The following ACE variants were observed in gnomAD, a reference collection of about 807,000 sequenced individuals.
ACE encodes the protein angiotensin I converting enzyme.
ACE carries 122 observed loss-of-function variants against 162.3 expected under a neutral mutation model. The ratio of observed to expected loss-of-function variants is 0.75; its 90% CI spans 0.65 to 0.87. The LOEUF (loss-of-function observed/expected upper bound fraction) is 0.87, where lower values mean the gene tolerates loss of function less well. ACE is among the 40% of genes least tolerant of loss of function. ACE has a pLI of 0.00. For synonymous variants in ACE, 796 were observed against 720.6 expected, an observed-to-expected ratio of 1.10 and a Z score of -1.68; for missense variants, 1,799 against 1,735.1, an observed-to-expected ratio of 1.04 and a Z score of -0.65.
chr17:63,491,394 A>G lies in ACE; in HGVS notation c.2912+13A>G, dbSNP rs774717414. The G allele has an allele frequency of 3.7e-6, 6 of 1,613,916 alleles. No individual in the cohort carries two copies. Among genetic ancestry groups the G allele is most frequent in the Non-Finnish European group, 4.2e-6 (5 of 1,180,030 alleles). ...GCAAGGACTTCCGGTACATCCAGCT[A>G]GGGCTCAGGTCTCGTTCCTGAGCCC... On this transcript the variant is annotated intron_variant, in intron 19 of 24. Transcript: ENST00000290866. The surrounding 1 kb of genome is among the most constrained non-coding windows in gnomAD (Gnocchi z 4.4).
At position 63,491,045 on chromosome 17, in the gene ACE, A is replaced by G; in HGVS notation, c.2733A>G (p.Leu911=). ...APSMDTTEAM[L]KQGWTPRRMF... ...CGATGGACACCACAGAGGCTATGCT[A>G]AAGCAGGTCCGCACCAGCCCAGGGG... The change falls in exon 18 of 25, where the codon CTA becomes CTG. Residue 911 remains leucine (L), a synonymous_variant. Coordinates refer to ENST00000290866, the MANE Select transcript of ACE (RefSeq NM_000789.4). This position sits in a 1 kb window ranked among gnomAD's most constrained non-coding sequence, Gnocchi z 4.4. 1 of 1,614,148 alleles carries G rather than the reference A, an allele frequency of 6.2e-7. No homozygotes were observed. Among genetic ancestry groups the G allele is most frequent in the Non-Finnish European group, 8.5e-7 (1 of 1,180,020 alleles).
chr17:63,478,670 A>T (rs1271061051), intron 2 of ACE: 1 of 398,342 alleles, frequency 2.5e-6, no homozygotes, highest in African/African-American at 2.1e-5. Flanking sequence ...CCCAAAAAAA[A>T]GAGAGAGAGA....
chr17:63,484,037 A>G lies in ACE; in HGVS notation c.1709+66A>G, dbSNP rs896464912. 2.6e-6 allele frequency: 4 copies of G among 1,549,498 alleles called. No individual in the cohort carries two copies. Among genetic ancestry groups the G allele is most frequent in the Non-Finnish European group, 2.6e-6 (3 of 1,150,440 alleles). ...AGCGGCTGGCAAAGGGTGTGGCAGG[A>G]GGTGTCTGGCTGCTCTGATGGGGTG... On this transcript the variant is annotated intron_variant, in intron 11 of 24. Transcript: ENST00000290866. This position sits in a 1 kb window ranked among gnomAD's most constrained non-coding sequence, Gnocchi z 4.0.
intron 15 of ACE, among the ~76,000 whole-genome samples, chr17:63,488,244 A>G (rs1476263067): frequency 6.6e-6 from 1 of 151,674 alleles, no homozygotes; most frequent in African/African-American, 2.4e-5. Context: ...CTGTAGTCCT[A>G]GCTGCTAGGG....
intron 10 of ACE, 78 bp from the exon 11 acceptor site, chr17:63,483,771 A>T: frequency 1.2e-6 from 2 of 1,607,884 alleles, no homozygotes; most frequent in Non-Finnish European, 1.7e-6. Flanking sequence ...CCCTGCAGGA[A>T]GCTGGATGGT....
In ACE at chr17:63,497,812, C is replaced by T; in HGVS notation, c.*446C>T. The T allele has an allele frequency of 1.1e-5, 4 of 349,030 alleles. No individual in the cohort carries two copies. Among genetic ancestry groups the T allele is most frequent in the South Asian group, 9.3e-5 (4 of 43,230 alleles). 21.6% of individuals were successfully genotyped at this position (349,030 alleles called of 1,614,324 possible). On this transcript the variant is annotated 3_prime_UTR_variant, in exon 25 of 25. Coordinates refer to ENST00000290866, the MANE Select transcript of ACE (RefSeq NM_000789.4). ...TCTTCCCTCCAGCCCAGGCAGCCCG[C>T]CACTGTCCTGCCACCGCAGGCAGCC... is the stretch of plus-strand genomic sequence containing the variant.
At position 63,483,966 on chromosome 17, in the gene ACE, G is replaced by T; in HGVS notation, c.1704G>T (p.Lys568Asn). The T allele has an allele frequency of 6.2e-7, 1 of 1,613,626 alleles. No individual in the cohort carries two copies. Among genetic ancestry groups the T allele is most frequent in the Non-Finnish European group, 8.5e-7 (1 of 1,179,830 alleles). ...ACCGGTCCACCAAGGCAGGGGCCAA[G>T]CTCCGGTGTGTGGTGGGAAGCCGGG... Reference protein sequence around the residue: ...DIYRSTKAGAKLRKVLQAGSS... With the variant: ...DIYRSTKAGANLRKVLQAGSS... Residue 568 changes from lysine (K) to asparagine (N), a missense_variant, in exon 11 of 25, where the codon AAG (lysine) becomes AAT (asparagine). By Grantham distance (94) the Lys-to-Asn change is moderately conservative (BLOSUM62 0). Transcript: ENST00000290866.
chr17:63,478,163 G>A (rs2049650800), intron 2 of ACE, 65 bp downstream of exon 2: 1 of 1,539,816 alleles, frequency 6.5e-7, no homozygotes, highest in African/African-American at 1.4e-5. Context: ...GGGGTCGGGG[G>A]AGAGCAGCCC....
At chr17:63,486,769 C>T (rs2147547449) in intron 14 of ACE, 54 bp downstream of exon 14, 2 of 1,610,118 alleles carry the variant, frequency 1.2e-6, no homozygotes, top group South Asian at 1.1e-5. Flanking sequence ...GTGAGCCCAA[C>T]ACAGGGTCTG....
At chr17:63,494,335 C>A in intron 21 of ACE, 37 bp from the exon 22 acceptor site, 1 of 1,600,494 alleles carries the variant, frequency 6.2e-7, no homozygotes, top group South Asian at 1.1e-5. Flanking sequence ...CTGGTTCTCC[C>A]CAAACTCATC....
intron 3 of ACE, 151 bp downstream of exon 3, chr17:63,479,251 C>A (rs777825248): frequency 1.4e-6 from 1 of 712,416 alleles, no homozygotes. Flanking sequence ...GGTGCAGATA[C>A]CCCCACGCCC....
chr17:63,491,763 C>T lies in ACE; in HGVS notation c.2912+382C>T, dbSNP rs2030400703. Reference sequence around the variant, plus strand: ...AGGATGTTGGGTGCTCTGTACAGATCCACTCTCACCCCTGACAGGCTCAGA... The same window carrying T: ...AGGATGTTGGGTGCTCTGTACAGATTCACTCTCACCCCTGACAGGCTCAGA... On this transcript the variant is annotated intron_variant, in intron 19 of 24. Transcript: ENST00000290866. The surrounding 1 kb of genome is among the most constrained non-coding windows in gnomAD (Gnocchi z 4.4). Among the ~76,000 whole-genome samples the T allele has an allele frequency of 1.3e-5, 2 of 152,184 alleles. 1 individual carries two copies. Among genetic ancestry groups the T allele is most frequent in the South Asian group, 4.1e-4 (2 of 4,828 alleles).
intron 6 of ACE, 36 bp downstream of exon 6, chr17:63,481,224 CG>C: frequency 3.8e-6 from 3 of 784,620 alleles, no homozygotes; most frequent in Admixed American, 2.5e-5. Flanking sequence ...TGGTGGGGGT[CG>C]GGGGTGGGGC....
intron 8 of ACE, 23 bp from the exon 9 acceptor site, chr17:63,483,006 C>G (rs1342886019): frequency 1.9e-6 from 3 of 1,613,338 alleles, no homozygotes; most frequent in Non-Finnish European, 2.5e-6. Context: ...TCTTCCCTCT[C>G]CTTTCATCTC....
Position 63,496,522 on chromosome 17 carries a change from T to C in ACE, c.3503+6T>C, listed in dbSNP as rs1192670342. 6.2e-7 allele frequency: 1 copy of C among 1,613,952 alleles called. No homozygotes were observed. The highest frequency in any genetic ancestry group is 8.5e-7 in the Non-Finnish European group (1 of 1,180,022). ...GAGGCCGGGCAGCGCCTGGCGTGAG[T>C]GTCCTCCAGCCCTCCTTTGTTTCCA... is the stretch of plus-strand genomic sequence containing the variant. On this transcript the variant is annotated splice_donor_region_variant and intron_variant, in intron 23 of 24. Coordinates refer to ENST00000290866, the MANE Select transcript of ACE (RefSeq NM_000789.4).
Position 63,482,455 on chromosome 17 carries a change from C to T in ACE, c.1119-11C>T. On this transcript the variant is annotated splice_polypyrimidine_tract_variant and intron_variant, in intron 7 of 24. Coordinates refer to ENST00000290866, the MANE Select transcript of ACE (RefSeq NM_000789.4). Reference sequence around the variant, plus strand: ...TCCGTCACTCTCACCCTCGCCCTCTCTACGCCCCAGGATCAAGCAGTGCAC... The same window carrying T: ...TCCGTCACTCTCACCCTCGCCCTCTTTACGCCCCAGGATCAAGCAGTGCAC... 4 of 1,613,482 alleles carry T rather than the reference C, an allele frequency of 2.5e-6. No homozygotes were observed. Among genetic ancestry groups the T allele is most frequent in the South Asian group, 2.2e-5 (2 of 90,994 alleles).
rs756517241 is a variant in ACE, at chr17:63,485,476, A to G, written c.2058+104A>G. ...GCTGCCACCACATTTTAAATTGAAT[A>G]TTTAAAACAATACTCAATTTCGGGC... On this transcript the variant is annotated intron_variant, in intron 13 of 24. Coordinates refer to ENST00000290866, the MANE Select transcript of ACE (RefSeq NM_000789.4). 3 of 1,516,170 alleles carry G rather than the reference A, an allele frequency of 2.0e-6. No individual in the cohort carries two copies. The South Asian group carries it at 3.5e-5, about 18-fold the overall frequency. 93.9% of individuals were successfully genotyped at this position (1,516,170 alleles called of 1,614,324 possible). A position where few individuals can be genotyped will look rare whatever the true frequency, so the allele number is the denominator to read the frequency against.
intron 22 of ACE, 107 bp downstream of exon 22, chr17:63,494,577 CG>C: frequency 1.9e-6 from 2 of 1,045,740 alleles, no homozygotes; most frequent in Non-Finnish European, 1.4e-6. Flanking sequence ...AGGGCAGACC[CG>C]GGGGAGCCGG....
intron 21 of ACE, 99 bp downstream of exon 21, chr17:63,494,165 T>G (rs2030578857): frequency 1.4e-6 from 2 of 1,481,036 alleles, no homozygotes; most frequent in East Asian, 2.3e-5. Context: ...AGTGTGTGTG[T>G]GTGTGTACAC....
Sources: allele counts gnomAD v4.1 joint callset (sites outside exome capture counted in the v4.1 genomes callset), GRCh38; gene constraint gnomAD v4.1.1; non-coding constraint Gnocchi (gnomAD v3.1); transcripts MANE v1.5; gene names NCBI Gene and HGNC (gene_info 2026-07-23, HGNC 2026-07-21).